The following PI4KA variants were observed in gnomAD, a reference collection of about 807,000 sequenced individuals.
PI4KA encodes phosphatidylinositol 4-kinase alpha, also known as PI4-kinase alpha.
In PI4KA, 122 loss-of-function variants were observed where a neutral mutation model predicts 271.4. The ratio of observed to expected loss-of-function variants is 0.45; its 90% CI spans 0.39 to 0.52. PI4KA has a LOEUF of 0.52. Among genes scored for constraint, PI4KA ranks in the 20% least tolerant of loss-of-function variants. The pLI is 0.00. For missense variants in PI4KA, 1,969 were observed against 2,769.1 expected (o/e 0.71, Z 6.48); for synonymous variants, 1,041 against 1,078.8 (o/e 0.96, Z 0.69).
intron 4 of PI4KA, among the ~76,000 whole-genome samples, chr22:20,824,068 C>T (rs930559296): frequency 6.6e-6 from 1 of 151,148 alleles, no homozygotes; most frequent in Non-Finnish European, 1.5e-5. Flanking sequence ...AGGGATAGTG[C>T]TGCTCATGTC....
rs548309714 is a variant in PI4KA, at chr22:20,714,809, C to T, written c.5318-109G>A. On this transcript the variant is annotated intron_variant, in intron 45 of 54. Coordinates refer to ENST00000255882, the MANE Select transcript of PI4KA (RefSeq NM_058004.4). ...GCGTGTCCACCCTGCAGGCACACCC[C>T]GCCCCTGTGGAGGGGCCTCTGGTCC... 2.9e-5 allele frequency: 38 copies of T among 1,324,308 alleles called. 1 individual carries two copies. The African/African-American group carries it at 4.7e-4, about 16-fold the overall frequency. 82.0% of individuals were successfully genotyped at this position (1,324,308 alleles called of 1,614,324 possible). A position where few individuals can be genotyped will look rare whatever the true frequency, so the allele number is the denominator to read the frequency against.
At chr22:20,763,025 G>C (rs976793091) in intron 22 of PI4KA, among the ~76,000 whole-genome samples, 3 of 89,444 alleles carry the variant, frequency 3.4e-5, no homozygotes, top group Admixed American at 1.3e-4. Flanking sequence ...TTTGGGGGGG[G>C]GGGGGGTTAG....
chr22:20,781,684 A>G (rs1163339416), intron 19 of PI4KA, among the ~76,000 whole-genome samples: 1 of 152,246 alleles, frequency 6.6e-6, no homozygotes, highest in Non-Finnish European at 1.5e-5. Context: ...TCAAAGGCTG[A>G]GTTCTAACAG....
intron 1 of PI4KA, among the ~76,000 whole-genome samples, chr22:20,849,875 T>C (rs745833594): frequency 1.3e-5 from 2 of 151,786 alleles, no homozygotes; most frequent in Non-Finnish European, 2.9e-5. Flanking sequence ...AAAATAAAAA[T>C]AAGCCACCAC....
At chr22:20,851,744 A>G (rs1430852046) in intron 1 of PI4KA, among the ~76,000 whole-genome samples, 2 of 152,224 alleles carry the variant, frequency 1.3e-5, no homozygotes, top group African/African-American at 2.4e-5. Flanking sequence ...TCAGGACTCA[A>G]TAAACAAATG....
At chr22:20,773,561 C>T (rs367733498) in intron 19 of PI4KA, among the ~76,000 whole-genome samples, 45 of 152,304 alleles carry the variant, frequency 3.0e-4, no homozygotes, top group African/African-American at 1.1e-3. Context: ...AACACAGCAA[C>T]CCTTGACTGA....
Position 20,833,797 on chromosome 22 carries a change from C to G in PI4KA, c.367+765G>C, listed in dbSNP as rs140864205. On this transcript the variant is annotated intron_variant, in intron 3 of 54. Coordinates refer to ENST00000255882, the MANE Select transcript of PI4KA (RefSeq NM_058004.4). ...GCCTCAGCCTCCCGAGTAGCTGGGA[C>G]TACAGGCACACACCACCATGCCCGG... Among the ~76,000 whole-genome samples, 1,368 of 151,626 alleles carry G rather than the reference C, an allele frequency of 9.0e-3. 23 individuals carry two copies. The highest frequency in any genetic ancestry group is 0.03 in the African/African-American group (1,233 of 41,370).
rs561174476 is a variant in PI4KA at position 20,737,250 on chromosome 22, A to G, written c.3742-2697T>C. 5.8e-4 allele frequency among the ~76,000 whole-genome samples: 89 copies of G among 152,324 alleles called. 1 individual carries two copies. The highest frequency in any genetic ancestry group is 2.3e-3 in the East Asian group (12 of 5,192). ...TATTCTGGAGGATGAAAGGGCTACAAAAATTACAAAGGCCTTAAGTCCCTG... is the reference window on the plus strand; with the variant it reads ...TATTCTGGAGGATGAAAGGGCTACAGAAATTACAAAGGCCTTAAGTCCCTG... On this transcript the variant is annotated intron_variant, in intron 32 of 54. Transcript: ENST00000255882.
intron 1 of PI4KA, among the ~76,000 whole-genome samples, chr22:20,848,178 C>T (rs1349059129): frequency 7.1e-6 from 1 of 141,018 alleles, no homozygotes; most frequent in African/African-American, 2.7e-5. Flanking sequence ...GCGGAGGTTG[C>T]AGTGAGCTGA....
At chr22:20,733,122 AG>A (rs1568966256) in intron 35 of PI4KA, 24 bp from the exon 36 acceptor site, 4 of 1,611,826 alleles carry the variant, frequency 2.5e-6, no homozygotes, top group Non-Finnish European at 2.5e-6. Flanking sequence ...TAAGAGGACA[AG>A]GGCTGAGTGT....
intron 8 of PI4KA, among the ~76,000 whole-genome samples, chr22:20,811,945 G>A (rs948366218): frequency 2.9e-4 from 43 of 150,492 alleles, no homozygotes; most frequent in Admixed American, 1.7e-3. Flanking sequence ...CCTGGGAGGC[G>A]GAGCTTGCAG....
chr22:20,810,504 A>AT (rs1406836660), intron 9 of PI4KA, among the ~76,000 whole-genome samples: 1 of 151,018 alleles, frequency 6.6e-6, no homozygotes, highest in African/African-American at 2.4e-5. Context: ...GCGAGACTCC[A>AT]TCTCAAAAAA....
At chr22:20,748,302 G>C (rs1313156833) in intron 28 of PI4KA, among the ~76,000 whole-genome samples, 3 of 152,266 alleles carry the variant, frequency 2.0e-5, no homozygotes, top group Admixed American at 2.0e-4. Context: ...CTGAGCATCT[G>C]CTGTGGTAGC....
At chr22:20,751,863 C>T in intron 25 of PI4KA, 108 bp from the exon 26 acceptor site, 1 of 922,172 alleles carries the variant, frequency 1.1e-6, no homozygotes, top group Non-Finnish European at 1.7e-6. Flanking sequence ...TTCAGGCCAG[C>T]TGAAGGAGGA....
At chr22:20,831,077 G>A (rs1423445797) in intron 3 of PI4KA, among the ~76,000 whole-genome samples, 1 of 152,032 alleles carries the variant, frequency 6.6e-6, no homozygotes, top group Non-Finnish European at 1.5e-5. Flanking sequence ...CCAGCCCTTA[G>A]GTGTGTTTCT....
chr22:20,805,614 T>C (rs1015190576), intron 10 of PI4KA, among the ~76,000 whole-genome samples: 2 of 151,858 alleles, frequency 1.3e-5, no homozygotes, highest in African/African-American at 2.4e-5. Flanking sequence ...GGGCAGATCA[T>C]GAGGTCAGGA....
chr22:20,769,668 CAA>C (rs361824), intron 19 of PI4KA, among the ~76,000 whole-genome samples: 5 of 124,260 alleles, frequency 4.0e-5, no homozygotes, highest in Non-Finnish European at 3.5e-5. Flanking sequence ...GACGCCATTT[CAA>C]AAAAAAAAAA....
intron 23 of PI4KA, among the ~76,000 whole-genome samples, chr22:20,755,489 G>A (rs1163065201): frequency 6.6e-6 from 1 of 152,172 alleles, no homozygotes; most frequent in Non-Finnish European, 1.5e-5. Context: ...TTACAGAGGT[G>A]CCAAGTAGGC....
intron 27 of PI4KA, 79 bp downstream of exon 27, chr22:20,751,214 C>T (rs1005624264): frequency 2.6e-6 from 3 of 1,158,768 alleles, no homozygotes; most frequent in African/African-American, 3.0e-5. Flanking sequence ...TGAGCTCATG[C>T]AGGTTGACCA....
Sources: allele counts gnomAD v4.1 joint callset (sites outside exome capture counted in the v4.1 genomes callset), GRCh38; gene constraint gnomAD v4.1.1; transcripts MANE v1.5; gene names NCBI Gene and HGNC (gene_info 2026-07-23, HGNC 2026-07-21).